Variants in PKD2 observed in about 807,000 individuals in gnomAD.
The protein encoded by PKD2 is polycystin-2.
In PKD2, 48 loss-of-function variants were observed where a neutral mutation model predicts 105.9. That is an observed-to-expected ratio of 0.45 (90% CI 0.36 to 0.58). The LOEUF (loss-of-function observed/expected upper bound fraction) is 0.58. Among genes scored for constraint, PKD2 ranks in the 20% least tolerant of loss-of-function variants. The pLI is 0.00. For missense variants in PKD2, 1,078 were observed against 1,255.3 expected, an observed-to-expected ratio of 0.86 and a Z score of 2.13; for synonymous variants, 464 against 481.1, an observed-to-expected ratio of 0.96 and a Z score of 0.46.
chr4:88,062,029 ATTC>A (rs778072043), intron 10 of PKD2, 25 bp downstream of exon 10: 4 of 1,085,862 alleles, frequency 3.7e-6, no homozygotes, highest in African/African-American at 1.5e-5. Context: ...AATTCTCAGA[ATTC>A]TTCTGTTTCT....
At chr4:88,009,847 T>C (rs1470477078) in intron 1 of PKD2, among the ~76,000 whole-genome samples, 1 of 152,220 alleles carries the variant, frequency 6.6e-6, no homozygotes, top group Non-Finnish European at 1.5e-5. Flanking sequence ...AGTTAATAAA[T>C]AATGGTAAGT....
At chr4:88,075,437 A>G in intron 14 of PKD2, 21 bp from the exon 15 acceptor site, 9 of 1,564,358 alleles carry the variant, frequency 5.8e-6, no homozygotes, top group Non-Finnish European at 7.9e-6. Context: ...CCCCAACACC[A>G]GTTTCTTTTT....
rs200001068 is a variant in PKD2 at position 88,038,323 on chromosome 4, C to T, written c.916C>T (p.Arg306Ter). ...QPSNQTEADNRSFIFYENLLL... is the reference protein window; with the variant it reads ...QPSNQTEADN ...CAGCAACCAGACTGAAGCTGACAAC[C>T]GAAGTTTCATCTTCTATGAGAACCT... The change falls in exon 4 of 15, where the codon CGA becomes TGA. Residue 306 changes from arginine (R) to a stop codon, truncating the protein, a stop_gained. Coordinates refer to ENST00000237596, the MANE Select transcript of PKD2 (RefSeq NM_000297.4). LOFTEE classifies it high-confidence loss of function. 3.7e-6 allele frequency: 6 copies of T among 1,613,598 alleles called. No homozygotes were observed. Among genetic ancestry groups the T allele is most frequent in the Non-Finnish European group, 5.1e-6 (6 of 1,179,648 alleles).
intron 3 of PKD2, 117 bp from the exon 4 acceptor site, chr4:88,038,130 ATTCT>A (rs1408156772): frequency 1.4e-5 from 15 of 1,064,422 alleles, no homozygotes; most frequent in Non-Finnish European, 2.2e-5. Context: ...AACAAAACTC[ATTCT>A]TATCACTCTA....
At chr4:88,040,057 AGTTATTTCAC>A (rs1727499420) in intron 4 of PKD2, among the ~76,000 whole-genome samples, 1 of 152,208 alleles carries the variant, frequency 6.6e-6, no homozygotes, top group South Asian at 2.1e-4. Context: ...TTATTTAAGA[AGTTATTTCAC>A]GCATTATCTC....
intron 1 of PKD2, among the ~76,000 whole-genome samples, chr4:88,010,674 A>G (rs1726354938): frequency 6.6e-6 from 1 of 152,248 alleles, no homozygotes; most frequent in African/African-American, 2.4e-5. Context: ...TAGCTCCCTC[A>G]AACTACCTGA....
chr4:88,076,616 C>T lies in PKD2; in HGVS notation c.*922C>T, dbSNP rs1721242866. ...GTATGCACTGAAAGTTTTTATCCAA[C>T]AATTATGTTCATTTTAAGCAAAATT... On this transcript the variant is annotated 3_prime_UTR_variant, in exon 15 of 15. Transcript: ENST00000237596. 1 of 152,120 alleles carries T rather than the reference C, an allele frequency of 6.6e-6. No individual in the cohort carries two copies. The highest frequency in any genetic ancestry group is 1.5e-5 in the Non-Finnish European group (1 of 68,040). The allele number at this position is 152,120 out of a possible 1,614,324, so 9.4% of individuals were successfully genotyped here.
At chr4:88,052,266 A>G in intron 7 of PKD2, 108 bp downstream of exon 7, 1 of 745,084 alleles carries the variant, frequency 1.3e-6, no homozygotes, top group Non-Finnish European at 2.3e-6. Flanking sequence ...TGACCAGCCA[A>G]AGCTGCTCAA....
Position 88,007,983 on chromosome 4 carries a change from C to T in PKD2, c.250C>T (p.Arg84Trp). 1.3e-6 allele frequency: 2 copies of T among 1,511,492 alleles called. No individual in the cohort carries two copies. The highest frequency in any genetic ancestry group is 1.8e-6 in the Non-Finnish European group (2 of 1,134,202). The allele number at this position is 1,511,492 out of a possible 1,614,324, so 93.6% of individuals were successfully genotyped here. A position where few individuals can be genotyped will look rare whatever the true frequency, so the allele number is the denominator to read the frequency against. The change falls in exon 1 of 15, where the codon CGG becomes TGG. Residue 84 changes from arginine to tryptophan, a missense_variant. By Grantham distance (101) the Arg-to-Trp change is moderately radical. Coordinates refer to ENST00000237596, the MANE Select transcript of PKD2 (RefSeq NM_000297.4). ...SPSPPLSSCS[R>W]QAWSRDNPGF... ...TTCTCCTCCGCTCTCGTCGTGCTCC[C>T]GGCAGGCGTGGAGCCGCGATAACCC...
rs111532876 is a variant in PKD2, at chr4:88,075,969, C to G, written c.*275C>G. The G allele has an allele frequency of 5.9e-5, 23 of 387,496 alleles. No individual in the cohort carries two copies. The highest frequency in any genetic ancestry group is 4.7e-4 in the African/African-American group (23 of 48,846). 24.0% of individuals were successfully genotyped at this position (387,496 alleles called of 1,614,324 possible). The stretch of plus-strand genomic sequence containing the variant: ...ATTGAGCGGTACGCCCAGTTGCCAC[C>G]ATGACTGAGTCTTCTCAGTTGACAA... On this transcript the variant is annotated 3_prime_UTR_variant, in exon 15 of 15. Coordinates refer to ENST00000237596, the MANE Select transcript of PKD2 (RefSeq NM_000297.4).
intron 2 of PKD2, among the ~76,000 whole-genome samples, chr4:88,023,995 C>A (rs1436673630): frequency 1.3e-5 from 2 of 152,146 alleles, no homozygotes; most frequent in East Asian, 3.8e-4. Flanking sequence ...ATCTCACTTT[C>A]TCTGTTATTT....
At chr4:88,063,526 C>T (rs1243055850) in intron 10 of PKD2, among the ~76,000 whole-genome samples, 4 of 142,680 alleles carry the variant, frequency 2.8e-5, no homozygotes, top group Admixed American at 1.4e-4. Context: ...AGCGAAACTC[C>T]GTCTCAAAAA....
chr4:88,021,795 G>A (rs773361832), intron 2 of PKD2, among the ~76,000 whole-genome samples: 5 of 152,102 alleles, frequency 3.3e-5, no homozygotes, highest in Non-Finnish European at 5.9e-5. Context: ...TTTTTTCCAC[G>A]TTGCTTTTCC....
intron 9 of PKD2, among the ~76,000 whole-genome samples, chr4:88,058,454 G>A (rs1302063923): frequency 5.3e-5 from 8 of 152,068 alleles, no homozygotes; most frequent in African/African-American, 1.9e-4. Context: ...ATAGTGCTTT[G>A]CCTAAAAAGT....
intron 7 of PKD2, among the ~76,000 whole-genome samples, chr4:88,055,096 G>A (rs1211634245): frequency 6.6e-6 from 1 of 152,124 alleles, no homozygotes; most frequent in African/African-American, 2.4e-5. Flanking sequence ...TCTACCAGCA[G>A]GGTTCACTAT....
At chr4:88,053,806 A>G (rs1282711502) in intron 7 of PKD2, among the ~76,000 whole-genome samples, 4 of 152,218 alleles carry the variant, frequency 2.6e-5, no homozygotes, top group Admixed American at 2.6e-4. Flanking sequence ...AATAATAGTA[A>G]TAAGAATGTT....
chr4:88,027,252 AGAGCCACAG>A (rs1352638983), intron 2 of PKD2, among the ~76,000 whole-genome samples: 1 of 152,234 alleles, frequency 6.6e-6, no homozygotes, highest in Non-Finnish European at 1.5e-5. Context: ...TGTACCCTGC[AGAGCCACAG>A]AGGTGGAGCT....
Position 88,065,507 on chromosome 4 carries a change from G to A in PKD2, c.2240+12G>A, listed in dbSNP as rs1003492550. ...CAAGATCTCAAAGGGTGAGAATCAT[G>A]CTTCCTGAGGTTCTGAAAAATTCCT... is the stretch of plus-strand genomic sequence containing the variant. On this transcript the variant is annotated intron_variant, in intron 11 of 14. Transcript: ENST00000237596. The A allele has an allele frequency of 3.1e-6, 5 of 1,613,040 alleles. No homozygotes were observed. The highest frequency in any genetic ancestry group is 4.2e-6 in the Non-Finnish European group (5 of 1,179,256).
In PKD2 at chr4:88,052,006, A is replaced by G. The variant is rs374402854; in HGVS notation, c.1564A>G (p.Ile522Val). ...TGCTTTTCAGCTGTCAGTGGTAGCT[A>G]TAGGAATTAACATATACAGAACATC... is the stretch of plus-strand genomic sequence containing the variant. Reference protein sequence around the residue: ...VVIVVLSVVAIGINIYRTSNV... With the variant: ...VVIVVLSVVAVGINIYRTSNV... The change falls in exon 7 of 15, where the codon ATA becomes GTA. Residue 522 changes from isoleucine (I) to valine (V), a missense_variant. Transcript: ENST00000237596. 4 of 1,585,386 alleles carry G rather than the reference A, an allele frequency of 2.5e-6. No homozygotes were observed. Among genetic ancestry groups the G allele is most frequent in the African/African-American group, 1.3e-5 (1 of 74,496 alleles).
Sources: gnomAD v4.1 joint callset for allele counts (sites outside exome capture counted in the v4.1 genomes callset) on GRCh38, gnomAD v4.1.1 for gene constraint, MANE v1.5 for transcripts, NCBI Gene and HGNC (gene_info 2026-07-23, HGNC 2026-07-21) for gene names.